Variants in PDE4D observed in about 807,000 individuals in gnomAD.
PDE4D encodes the protein 3',5'-cyclic-AMP phosphodiesterase 4D.
PDE4D carries 24 observed loss-of-function variants against 87.4 expected under a neutral mutation model. That is an observed-to-expected ratio of 0.27 (90% CI 0.20 to 0.39). The LOEUF (loss-of-function observed/expected upper bound fraction) is 0.39, where lower values mean the gene tolerates loss of function less well. Ranked by LOEUF, PDE4D falls within the 10% of genes least tolerant of loss-of-function variation. The probability of loss-of-function intolerance (pLI) is 1.00; values close to 1 mark genes in which losing one functional copy is unlikely to be tolerated. For synonymous variants in PDE4D, 384 were observed against 383.2 expected (o/e 1.00, Z -0.02); for missense variants, 714 against 1,041.0 (o/e 0.69, Z 4.32).
intron 1 of PDE4D, among the ~76,000 whole-genome samples, chr5:60,189,267 A>G (rs144212277): frequency 0.018 from 2,676 of 152,350 alleles, 77 homozygotes; most frequent in African/African-American, 0.053. Flanking sequence ...TGGACCACCT[A>G]TATACATTTT....
At chr5:60,360,914 T>C (rs1434325862) in intron 1 of PDE4D, among the ~76,000 whole-genome samples, 2 of 152,264 alleles carry the variant, frequency 1.3e-5, no homozygotes, top group Admixed American at 1.3e-4. Context: ...ACTTGAATTA[T>C]TAGTTGAATA....
At chr5:60,373,785 C>T (rs900324271) in intron 1 of PDE4D, among the ~76,000 whole-genome samples, 17 of 152,142 alleles carry the variant, frequency 1.1e-4, no homozygotes, top group African/African-American at 4.1e-4. Context: ...CTTTTTCTGG[C>T]TTCCAAGGGC....
intron 1 of PDE4D, among the ~76,000 whole-genome samples, chr5:60,376,391 T>A (rs892876252): frequency 1.3e-5 from 2 of 152,106 alleles, no homozygotes; most frequent in African/African-American, 2.4e-5. Flanking sequence ...AGCCCAAACA[T>A]TGTGGCCCCA....
intron 5 of PDE4D, among the ~76,000 whole-genome samples, chr5:59,087,169 T>G (rs1767854784): frequency 6.6e-6 from 1 of 152,108 alleles, no homozygotes; most frequent in African/African-American, 2.4e-5. Flanking sequence ...AAATGCCTGT[T>G]CTTGGGTTTT....
chr5:60,206,756 A>G (rs1233342839), intron 1 of PDE4D, among the ~76,000 whole-genome samples: 1 of 152,230 alleles, frequency 6.6e-6, no homozygotes. Flanking sequence ...ATACCTATAC[A>G]GGATGAAAAG....
intron 3 of PDE4D, among the ~76,000 whole-genome samples, chr5:59,967,958 G>A (rs565204078): frequency 6.7e-6 from 1 of 148,824 alleles, no homozygotes; most frequent in South Asian, 2.1e-4. Context: ...AACATGAATG[G>A]AGCTGGGAGC....
At chr5:59,297,550 G>T (rs1208315754) in intron 1 of PDE4D, among the ~76,000 whole-genome samples, 1 of 152,080 alleles carries the variant, frequency 6.6e-6, no homozygotes, top group Non-Finnish European at 1.5e-5. Flanking sequence ...TGCTTCACAG[G>T]CCTCATATGT....
chr5:60,103,841 TA>T (rs1045725158), intron 2 of PDE4D, among the ~76,000 whole-genome samples: 7 of 151,624 alleles, frequency 4.6e-5, no homozygotes, highest in African/African-American at 1.5e-4. Flanking sequence ...AAATATGAAT[TA>T]AAAAAATTAA....
At chr5:59,436,970 G>A (rs1257021421) in intron 1 of PDE4D, among the ~76,000 whole-genome samples, 1 of 152,142 alleles carries the variant, frequency 6.6e-6, no homozygotes, top group East Asian at 1.9e-4. Context: ...TTAAATACAA[G>A]GACAGTAAAT....
chr5:59,676,909 T>C (rs913181668), intron 1 of PDE4D, among the ~76,000 whole-genome samples: 1 of 152,140 alleles, frequency 6.6e-6, no homozygotes, highest in Non-Finnish European at 1.5e-5. Flanking sequence ...TCTTAACAAA[T>C]ATTTCTCTAT....
At chr5:59,039,588 TC>T in intron 5 of PDE4D, 1 of 856,320 alleles carries the variant, frequency 1.2e-6, no homozygotes, top group Non-Finnish European at 1.4e-6. Context: ...CCGGGAACAC[TC>T]CCCCTCACGC....
intron 1 of PDE4D, among the ~76,000 whole-genome samples, chr5:59,450,341 T>C (rs977241376): frequency 2.0e-5 from 3 of 152,198 alleles, no homozygotes; most frequent in African/African-American, 7.2e-5. Flanking sequence ...TAAGTTTCAA[T>C]TCATAACAAT....
At chr5:60,100,902 T>C (rs2149330871) in intron 2 of PDE4D, among the ~76,000 whole-genome samples, 1 of 152,194 alleles carries the variant, frequency 6.6e-6, no homozygotes, top group East Asian at 1.9e-4. Context: ...GTGTTTTAAA[T>C]ACATCCATCT....
At chr5:59,602,533 A>G (rs1294246051) in intron 1 of PDE4D, among the ~76,000 whole-genome samples, 1 of 152,106 alleles carries the variant, frequency 6.6e-6, no homozygotes, top group African/African-American at 2.4e-5. Flanking sequence ...ATTAAAGATG[A>G]CACAAATGAA....
At chr5:59,939,216 A>G (rs1240558803) in intron 3 of PDE4D, among the ~76,000 whole-genome samples, 1 of 152,204 alleles carries the variant, frequency 6.6e-6, no homozygotes, top group Non-Finnish European at 1.5e-5. Flanking sequence ...AAAATTGATG[A>G]GTGTAGCTAT....
At chr5:59,654,136 G>T (rs940200697) in intron 1 of PDE4D, among the ~76,000 whole-genome samples, 1 of 152,300 alleles carries the variant, frequency 6.6e-6, no homozygotes, top group East Asian at 1.9e-4. Flanking sequence ...AGCCCATGAG[G>T]CGGAGGTTGC....
chr5:60,074,632 A>C (rs1462462436), intron 2 of PDE4D, among the ~76,000 whole-genome samples: 1 of 152,130 alleles, frequency 6.6e-6, no homozygotes, highest in Non-Finnish European at 1.5e-5. Flanking sequence ...TACTGTGTGG[A>C]AGTCCAATTC....
intron 1 of PDE4D, among the ~76,000 whole-genome samples, chr5:60,290,875 T>C (rs1752832679): frequency 6.6e-6 from 1 of 152,092 alleles, no homozygotes; most frequent in Non-Finnish European, 1.5e-5. Context: ...ATAATGATTT[T>C]TAAAAATACT....
chr5:59,046,419 A>T (rs200186045), intron 5 of PDE4D, among the ~76,000 whole-genome samples: 1 of 129,610 alleles, frequency 7.7e-6, no homozygotes, highest in African/African-American at 3.1e-5. Flanking sequence ...AGAGAGAGAG[A>T]ATGTGTGTGT....
Sources: gnomAD v4.1 joint callset for allele counts (sites outside exome capture counted in the v4.1 genomes callset) on GRCh38, gnomAD v4.1.1 for gene constraint, MANE v1.5 for transcripts, NCBI Gene and HGNC (gene_info 2026-07-23, HGNC 2026-07-21) for gene names.